The following KIF5C variants were observed in gnomAD, a reference collection of about 807,000 sequenced individuals.
The protein encoded by KIF5C is kinesin heavy chain isoform 5C.
KIF5C carries 18 observed loss-of-function variants against 125.2 expected under a neutral mutation model. That is an observed-to-expected ratio of 0.14 (90% CI 0.10 to 0.21). The LOEUF (loss-of-function observed/expected upper bound fraction) is 0.21. Ranked by LOEUF, KIF5C falls within the 10% of genes least tolerant of loss-of-function variation. The pLI is 1.00. For missense variants in KIF5C, 780 were observed against 1,183.8 expected (o/e 0.66, Z 5.01); for synonymous variants, 405 against 434.0 (o/e 0.93, Z 0.83).
At chr2:148,971,332 C>CTATT (rs1680901915) in intron 11 of KIF5C, among the ~76,000 whole-genome samples, 1 of 149,896 alleles carries the variant, frequency 6.7e-6, no homozygotes, top group Admixed American at 6.6e-5. Context: ...ATCTATCTAT[C>CTATT]TATGTCTATC....
intron 25 of KIF5C, among the ~76,000 whole-genome samples, chr2:149,012,983 A>G (rs1032178334): frequency 3.3e-5 from 5 of 152,242 alleles, no homozygotes; most frequent in Admixed American, 3.3e-4. Flanking sequence ...AGCAGTGGTC[A>G]TCGAACTTTG....
At chr2:148,999,892 G>C (rs1681800499) in intron 19 of KIF5C, 1 of 152,972 alleles carries the variant, frequency 6.5e-6, no homozygotes, top group Non-Finnish European at 1.5e-5. Context: ...CAGATGGCGA[G>C]TTTCTGTTTG....
intron 20 of KIF5C, 47 bp downstream of exon 20, chr2:149,000,571 T>C: frequency 2.6e-6 from 4 of 1,551,072 alleles, no homozygotes; most frequent in Non-Finnish European, 3.5e-6. Flanking sequence ...ATCCCCATGA[T>C]ATTCTGGTTA....
In KIF5C at chr2:148,994,398, TCTTC is replaced by T. The variant is rs768026288; in HGVS notation, c.1906-19_1906-16del. 6.5e-7 allele frequency: 1 copy of T among 1,550,030 alleles called. No individual in the cohort carries two copies. The highest frequency in any genetic ancestry group is 1.4e-5 in the African/African-American group (1 of 73,068). On this transcript the variant is annotated intron_variant, in intron 16 of 25. Coordinates refer to ENST00000435030, the MANE Select transcript of KIF5C (RefSeq NM_004522.3). ...GGATGACCACTTGCTAGTCATTCAC[TCTTC>T]CTTTTTGCTTGTTTAAAGCACGAAG...
intron 10 of KIF5C, among the ~76,000 whole-genome samples, chr2:148,958,527 T>C (rs1000699813): frequency 6.6e-6 from 1 of 152,208 alleles, no homozygotes; most frequent in African/African-American, 2.4e-5. Flanking sequence ...CTTATTGATT[T>C]AAAGCAGTTA....
rs766239754 is a variant in KIF5C at position 148,941,964 on chromosome 2, G to A, written c.475G>A (p.Asp159Asn). Residue 159 changes from aspartate to asparagine, a missense_variant, in exon 6 of 26, where the codon GAT becomes AAT. Physicochemically the swap from Asp to Asn is conservative, Grantham distance 23 (BLOSUM62 1). Transcript: ENST00000435030. The part of the protein sequence containing the change: ...VSKTNLAVHE[D>N]KNRVPYVKGC... The stretch of plus-strand genomic sequence containing the variant: ...CAAGACCAACTTGGCTGTTCATGAA[G>A]ATAAAAACAGAGTCCCGTATGTAAA... 3 of 1,611,956 alleles carry A rather than the reference G, an allele frequency of 1.9e-6. No individual in the cohort carries two copies. The South Asian group carries it at 3.3e-5, about 18-fold the overall frequency.
chr2:148,979,763 G>T (rs1051391232), intron 13 of KIF5C, among the ~76,000 whole-genome samples: 1 of 152,184 alleles, frequency 6.6e-6, no homozygotes, highest in Non-Finnish European at 1.5e-5. Flanking sequence ...AACGGGGCCC[G>T]AGTACTGCGT....
intron 4 of KIF5C, among the ~76,000 whole-genome samples, chr2:148,941,084 A>G (rs185295488): frequency 5.4e-4 from 82 of 152,310 alleles, no homozygotes; most frequent in Non-Finnish European, 1.1e-3. Flanking sequence ...TCTTTTATCA[A>G]GTCCCATTTT....
At chr2:149,011,926 C>T (rs1682220446) in intron 25 of KIF5C, among the ~76,000 whole-genome samples, 1 of 152,216 alleles carries the variant, frequency 6.6e-6, no homozygotes, top group Non-Finnish European at 1.5e-5. Context: ...CTAATCCCCT[C>T]CAGGGGTAGG....
chr2:148,948,731 A>G (rs1682585278), intron 8 of KIF5C, among the ~76,000 whole-genome samples: 1 of 152,166 alleles, frequency 6.6e-6, no homozygotes, highest in Non-Finnish European at 1.5e-5. Flanking sequence ...TCTGGGGCTC[A>G]GTTTCCTGTC....
intron 23 of KIF5C, among the ~76,000 whole-genome samples, chr2:149,009,854 G>A (rs1227513413): frequency 6.6e-6 from 1 of 152,174 alleles, no homozygotes; most frequent in Non-Finnish European, 1.5e-5. Flanking sequence ...CACCCAAACA[G>A]AAGAGGAGGT....
intron 15 of KIF5C, among the ~76,000 whole-genome samples, chr2:148,985,965 A>C (rs1681370999): frequency 6.6e-6 from 1 of 152,348 alleles, no homozygotes; most frequent in African/African-American, 2.4e-5. Context: ...TAATCTTATT[A>C]AGCTTCAATT....
intron 1 of KIF5C, among the ~76,000 whole-genome samples, chr2:148,898,732 A>G (rs1456088253): frequency 2.0e-5 from 3 of 152,228 alleles, no homozygotes; most frequent in Admixed American, 6.5e-5. Context: ...GCTTCTTGAC[A>G]TCAGCCCAGT....
chr2:148,973,626 T>G, intron 12 of KIF5C, 115 bp downstream of exon 12: 1 of 1,383,492 alleles, frequency 7.2e-7, no homozygotes, highest in Non-Finnish European at 9.5e-7. Context: ...TCTGGTTTCC[T>G]AATACCTACC....
intron 1 of KIF5C, among the ~76,000 whole-genome samples, chr2:148,896,812 C>T (rs74804632): frequency 0.013 from 1,849 of 140,648 alleles, 35 homozygotes; most frequent in African/African-American, 0.044. Flanking sequence ...ACTATGAGAT[C>T]ATGATCCTTC....
intron 16 of KIF5C, among the ~76,000 whole-genome samples, 155 bp from the exon 17 acceptor site, chr2:148,994,266 A>G (rs1681603718): frequency 6.6e-6 from 1 of 152,166 alleles, no homozygotes. Context: ...GATTCTGAAC[A>G]CCAAGGCAAG....
chr2:148,877,527 T>C (rs1428398789), intron 1 of KIF5C, among the ~76,000 whole-genome samples: 3 of 152,238 alleles, frequency 2.0e-5, no homozygotes, highest in Non-Finnish European at 2.9e-5. Context: ...TCAGCCAGTA[T>C]CTGCCTACAG....
At chr2:148,917,921 T>A (rs897454214) in intron 1 of KIF5C, among the ~76,000 whole-genome samples, 11 of 152,222 alleles carry the variant, frequency 7.2e-5, no homozygotes, top group Non-Finnish European at 1.5e-4. Flanking sequence ...AATTTCACTT[T>A]CCTTAACATC....
At chr2:148,922,368 T>C in intron 2 of KIF5C, 141 bp downstream of exon 2, 1 of 543,150 alleles carries the variant, frequency 1.8e-6, no homozygotes, top group South Asian at 2.7e-5. Context: ...ATAGCCTCGG[T>C]TCTAGCCCTG....
Sources: allele counts gnomAD v4.1 joint callset (sites outside exome capture counted in the v4.1 genomes callset), GRCh38; gene constraint gnomAD v4.1.1; transcripts MANE v1.5; gene names NCBI Gene and HGNC (gene_info 2026-07-23, HGNC 2026-07-21).